Variants in PTPRT observed in about 807,000 individuals in gnomAD.
PTPRT encodes the protein receptor-type tyrosine-protein phosphatase T.
In PTPRT, 56 loss-of-function variants were observed where a neutral mutation model predicts 176.8. That is an observed-to-expected ratio of 0.32 (90% CI 0.26 to 0.40). The LOEUF is 0.40. Ranked by LOEUF, PTPRT falls within the 10% of genes least tolerant of loss-of-function variation. PTPRT has a pLI of 1.00. For missense variants in PTPRT, 1,540 were observed against 1,908.2 expected, an observed-to-expected ratio of 0.81 and a Z score of 3.60; for synonymous variants, 783 against 739.0, an observed-to-expected ratio of 1.06 and a Z score of -0.96.
chr20:43,186,529 G>C (rs1400784594), intron 1 of PTPRT, among the ~76,000 whole-genome samples: 2 of 152,226 alleles, frequency 1.3e-5, no homozygotes, highest in African/African-American at 4.8e-5. Flanking sequence ...GATCGTGGCT[G>C]TGAAAGGTGA....
chr20:42,048,891 G>A, the PTPRT span, among the ~76,000 whole-genome samples: 490 of 152,074 alleles, frequency 3.2e-3, 8 homozygotes, highest in African/African-American at 0.011. Flanking sequence ...GCGCAATCTC[G>A]GCTCACTGCA....
intron 1 of PTPRT, chr20:42,969,463 CA>C (rs1459406486): frequency 6.6e-6 from 1 of 152,168 alleles, no homozygotes; most frequent in Non-Finnish European, 1.5e-5. Flanking sequence ...CTCTGCTCAA[CA>C]ATGATGATTT....
At chr20:43,022,894 A>G (rs1295022268) in intron 1 of PTPRT, among the ~76,000 whole-genome samples, 2 of 152,172 alleles carry the variant, frequency 1.3e-5, no homozygotes, top group Non-Finnish European at 2.9e-5. Context: ...CCAGACCTGC[A>G]GGGATTTAAA....
intron 16 of PTPRT, among the ~76,000 whole-genome samples, chr20:42,166,923 G>GAA (rs796689949): frequency 1.4e-5 from 2 of 139,200 alleles, no homozygotes; most frequent in African/African-American, 2.6e-5. Flanking sequence ...CTCCATCTTA[G>GAA]AAAAAAAAAA....
chr20:42,752,802 A>T (rs1384715533), intron 6 of PTPRT, among the ~76,000 whole-genome samples: 1 of 152,156 alleles, frequency 6.6e-6, no homozygotes, highest in Non-Finnish European at 1.5e-5. Flanking sequence ...TAAGTGAGTC[A>T]TTCTTCATCA....
chr20:43,133,324 G>A (rs574217159), intron 1 of PTPRT, among the ~76,000 whole-genome samples: 72 of 152,174 alleles, frequency 4.7e-4, no homozygotes, highest in African/African-American at 1.6e-3. Context: ...GAAAGACTTC[G>A]GACTGAGGGA....
At chr20:42,860,085 G>C (rs1217175047) in intron 2 of PTPRT, among the ~76,000 whole-genome samples, 1 of 152,004 alleles carries the variant, frequency 6.6e-6, no homozygotes, top group Non-Finnish European at 1.5e-5. Flanking sequence ...CATTTATCCA[G>C]AATATATTTT....
chr20:42,375,417 G>T (rs549533558), intron 9 of PTPRT, among the ~76,000 whole-genome samples: 1 of 152,244 alleles, frequency 6.6e-6, no homozygotes, highest in African/African-American at 2.4e-5. Context: ...GATTAAACCA[G>T]GATGGTTTTG....
chr20:42,197,283 G>C (rs1203214684), intron 16 of PTPRT, among the ~76,000 whole-genome samples: 3 of 149,924 alleles, frequency 2.0e-5, no homozygotes, highest in African/African-American at 7.4e-5. Context: ...GGAGGCTGAG[G>C]CAGGAGAATG....
At chr20:42,722,172 T>G (rs941632195) in intron 6 of PTPRT, among the ~76,000 whole-genome samples, 1 of 152,152 alleles carries the variant, frequency 6.6e-6, no homozygotes, top group Non-Finnish European at 1.5e-5. Flanking sequence ...AGTCACCTGA[T>G]GAACTTGTTA....
chr20:42,743,705 G>A (rs1042422346), intron 6 of PTPRT, among the ~76,000 whole-genome samples: 4 of 152,118 alleles, frequency 2.6e-5, no homozygotes, highest in Admixed American at 6.5e-5. Context: ...ATCAAAATGA[G>A]CACATGTTGT....
At chr20:42,430,528 T>C (rs996225350) in intron 9 of PTPRT, among the ~76,000 whole-genome samples, 8 of 152,174 alleles carry the variant, frequency 5.3e-5, no homozygotes, top group Admixed American at 2.6e-4. Flanking sequence ...CCTCTTCTTC[T>C]GCAGGTAGGC....
At chr20:43,158,167 C>G (rs767804893) in intron 1 of PTPRT, among the ~76,000 whole-genome samples, 3 of 152,082 alleles carry the variant, frequency 2.0e-5, no homozygotes, top group Non-Finnish European at 4.4e-5. Flanking sequence ...AGTTTGAAGA[C>G]AACACATTGG....
intron 1 of PTPRT, among the ~76,000 whole-genome samples, chr20:43,133,781 G>A (rs2013727693): frequency 6.6e-6 from 1 of 151,828 alleles, no homozygotes; most frequent in South Asian, 2.1e-4. Context: ...TTGGAGTGCT[G>A]GTTCTGAAAC....
intron 15 of PTPRT, among the ~76,000 whole-genome samples, chr20:42,216,956 C>T (rs974533804): frequency 6.6e-6 from 1 of 152,174 alleles, no homozygotes; most frequent in Admixed American, 6.5e-5. Context: ...CTTTTCATTT[C>T]CGAGTTCCTA....
intron 7 of PTPRT, among the ~76,000 whole-genome samples, chr20:42,622,291 G>A (rs2074212769): frequency 6.6e-6 from 1 of 151,878 alleles, no homozygotes; most frequent in African/African-American, 2.4e-5. Context: ...GCCCAGGCTG[G>A]AGTGCAGTGG....
At chr20:42,726,958 G>C (rs2076389829) in intron 6 of PTPRT, among the ~76,000 whole-genome samples, 1 of 152,186 alleles carries the variant, frequency 6.6e-6, no homozygotes, top group Non-Finnish European at 1.5e-5. Flanking sequence ...AGAGAATTAG[G>C]CAAAGAAGCA....
At chr20:42,445,021 G>A (rs757731974) in intron 9 of PTPRT, among the ~76,000 whole-genome samples, 6 of 152,074 alleles carry the variant, frequency 3.9e-5, no homozygotes, top group Admixed American at 6.6e-5. Context: ...TTCTGAAACC[G>A]TAATACCCAT....
At chr20:42,603,237 T>C (rs2073814051) in intron 7 of PTPRT, among the ~76,000 whole-genome samples, 1 of 151,838 alleles carries the variant, frequency 6.6e-6, no homozygotes, top group South Asian at 2.1e-4. Flanking sequence ...GTAGTAATGG[T>C]ATGCTGGGGA....
Sources: gnomAD v4.1 joint callset for allele counts (sites outside exome capture counted in the v4.1 genomes callset) on GRCh38, gnomAD v4.1.1 for gene constraint, MANE v1.5 for transcripts, NCBI Gene and HGNC (gene_info 2026-07-23, HGNC 2026-07-21) for gene names.